PCDHGA7: variants seen among roughly 807,000 people sequenced by gnomAD.
The protein encoded by PCDHGA7 is protocadherin gamma-A7.
In PCDHGA7, 44 loss-of-function variants were observed where a neutral mutation model predicts 58.3. The observed-to-expected ratio is 0.75, with a 90% CI of 0.59 to 0.97. The LOEUF (loss-of-function observed/expected upper bound fraction) is 0.97, where lower values mean the gene tolerates loss of function less well. Ranked by LOEUF, PCDHGA7 falls within the 50% of genes least tolerant of loss-of-function variation. The pLI is 0.00. For synonymous variants in PCDHGA7, 516 were observed against 504.2 expected (o/e 1.02, Z -0.31); for missense variants, 1,266 against 1,188.7 (o/e 1.06, Z -0.96).
chr5:141,492,558 G>A (rs879634396), intron 1 of PCDHGA7, among the ~76,000 whole-genome samples: 1 of 152,236 alleles, frequency 6.6e-6, no homozygotes, highest in South Asian at 2.1e-4. Context: ...CGCCTGGGGG[G>A]CGGCCTGAGC....
intron 1 of PCDHGA7, among the ~76,000 whole-genome samples, chr5:141,401,300 C>A (rs1169689828): frequency 1.3e-5 from 2 of 152,200 alleles, no homozygotes; most frequent in African/African-American, 4.8e-5. Context: ...CGAGATCACT[C>A]CATTGCATTC....
chr5:141,428,679 TGGATGA>T (rs1231732563), intron 1 of PCDHGA7: 1 of 163,254 alleles, frequency 6.1e-6, no homozygotes, highest in Non-Finnish European at 1.3e-5. Flanking sequence ...CATTTACAAA[TGGATGA>T]GGTTTAATTT....
chr5:141,471,879 G>A (rs1027572395), intron 1 of PCDHGA7, among the ~76,000 whole-genome samples: 7 of 152,218 alleles, frequency 4.6e-5, no homozygotes, highest in African/African-American at 1.7e-4. Context: ...GCCTGAGGCT[G>A]AAGCTAGGAA....
At chr5:141,434,535 A>G (rs939961995) in intron 1 of PCDHGA7, among the ~76,000 whole-genome samples, 1 of 152,230 alleles carries the variant, frequency 6.6e-6, no homozygotes, top group African/African-American at 2.4e-5. Flanking sequence ...ACCACAAACA[A>G]TAGCATGAGT....
intron 1 of PCDHGA7, chr5:141,417,651 A>C: frequency 1.2e-6 from 1 of 822,038 alleles, no homozygotes; most frequent in African/African-American, 1.7e-5. Context: ...CTCAGCCTCT[A>C]GCCTGGGATT....
intron 1 of PCDHGA7, chr5:141,424,475 T>C (rs1399874639): frequency 2.6e-5 from 4 of 152,234 alleles, no homozygotes; most frequent in Admixed American, 2.0e-4. Context: ...ATTCTTTTAC[T>C]TTGGTGTCTG....
At position 141,423,043 on chromosome 5, in the gene PCDHGA7, T is replaced by C. The variant is rs940921497; in HGVS notation, c.2424+37720T>C. 10 of 1,614,058 alleles carry C rather than the reference T, an allele frequency of 6.2e-6. No homozygotes were observed. The Admixed American group carries it at 1.5e-4, about 24-fold the overall frequency. ...AGATTCAGGCCAGAACGCCTGGCTG[T>C]CCTATCGCCTGCTTAAGGCCAGCGA... is the stretch of plus-strand genomic sequence containing the variant. On this transcript the variant is annotated intron_variant, in intron 1 of 3. Transcript: ENST00000518325.
rs755457564 is a variant in PCDHGA7, at chr5:141,394,423, G to A, written c.2424+9100G>A. The stretch of plus-strand genomic sequence containing the variant: ...CAGCTACTGGTAACAGCCAGCGACA[G>A]CGGGGACCCGCCCCTCAGCAGCAAC... On this transcript the variant is annotated intron_variant, in intron 1 of 3. Coordinates refer to ENST00000518325, the MANE Select transcript of PCDHGA7 (RefSeq NM_018920.4). 2.5e-6 allele frequency: 4 copies of A among 1,614,248 alleles called. No homozygotes were observed. The Admixed American group carries it at 6.7e-5, about 27-fold the overall frequency.
At chr5:141,420,077 C>A (rs760626443) in intron 1 of PCDHGA7, 1 of 1,613,900 alleles carries the variant, frequency 6.2e-7, no homozygotes, top group Non-Finnish European at 8.5e-7. Context: ...ACCTGTGGGT[C>A]CCCCCAACTA....
intron 2 of PCDHGA7, among the ~76,000 whole-genome samples, chr5:141,503,324 C>T (rs1389385473): frequency 7.9e-5 from 12 of 152,014 alleles, no homozygotes; most frequent in South Asian, 2.1e-4. Context: ...TGGAGGGGCG[C>T]GGTGGCTCAC....
chr5:141,417,871 C>T (rs1317007566), intron 1 of PCDHGA7: 1 of 1,554,006 alleles, frequency 6.4e-7, no homozygotes, highest in African/African-American at 1.4e-5. Context: ...TGGGAGGGAG[C>T]TGCGCGCAGA....
rs1419819549 is a variant in PCDHGA7 at position 141,405,132 on chromosome 5, C to T, written c.2424+19809C>T. ...TGGCACTCCTCGCATCTGCTGCGGG[C>T]TACCAGTGATGGGTTGGCTGGTGTG... On this transcript the variant is annotated intron_variant, in intron 1 of 3. Transcript: ENST00000518325. 2 of 1,614,032 alleles carry T rather than the reference C, an allele frequency of 1.2e-6. No individual in the cohort carries two copies. Among genetic ancestry groups the T allele is most frequent in the East Asian group, 4.5e-5 (2 of 44,860 alleles).
chr5:141,502,238 T>C (rs2099813398), intron 2 of PCDHGA7, among the ~76,000 whole-genome samples: 1 of 152,204 alleles, frequency 6.6e-6, no homozygotes, highest in Admixed American at 6.5e-5. Flanking sequence ...TGTGTTCTTT[T>C]ATCCTTTTTT....
At chr5:141,404,620 T>C in intron 1 of PCDHGA7, 2 of 1,614,162 alleles carry the variant, frequency 1.2e-6, no homozygotes, top group Non-Finnish European at 1.7e-6. Context: ...TGGACCAGAA[T>C]GACAATGCCC....
intron 1 of PCDHGA7, among the ~76,000 whole-genome samples, chr5:141,450,467 T>G (rs997813636): frequency 1.3e-5 from 2 of 151,944 alleles, no homozygotes; most frequent in African/African-American, 2.4e-5. Flanking sequence ...ATTTTATATA[T>G]AGAGTTTGTT....
At chr5:141,388,574 T>A (rs372294800) in intron 1 of PCDHGA7, 107 of 1,613,842 alleles carry the variant, frequency 6.6e-5, no homozygotes, top group Middle Eastern at 1.6e-4. Context: ...AGATACACGT[T>A]CTAGTGACTG....
At chr5:141,395,076 C>A (rs1384743817) in intron 1 of PCDHGA7, 1 of 1,614,142 alleles carries the variant, frequency 6.2e-7, no homozygotes, top group Admixed American at 1.7e-5. Context: ...GACCTATTCC[C>A]AGGAAGTCTC....
intron 1 of PCDHGA7, among the ~76,000 whole-genome samples, chr5:141,456,499 A>C (rs1283501704): frequency 6.6e-6 from 1 of 152,210 alleles, no homozygotes; most frequent in Non-Finnish European, 1.5e-5. Flanking sequence ...AAAGGGGTTA[A>C]CCAATTCCAT....
chr5:141,419,325 ACT>A (rs1329600066), intron 1 of PCDHGA7: 33 of 1,613,586 alleles, frequency 2.0e-5, no homozygotes, highest in Non-Finnish European at 2.6e-5. Flanking sequence ...CGTGTCTCCT[ACT>A]CTCTCATTGC....
Sources: gnomAD v4.1 joint callset for allele counts (sites outside exome capture counted in the v4.1 genomes callset) on GRCh38, gnomAD v4.1.1 for gene constraint, MANE v1.5 for transcripts, NCBI Gene and HGNC (gene_info 2026-07-23, HGNC 2026-07-21) for gene names.